The following VPS50 variants were observed in gnomAD, a reference collection of about 807,000 sequenced individuals.
VPS50 encodes VPS50 subunit of EARP/GARPII complex, also known as syndetin.
In VPS50, 70 loss-of-function variants were observed where a neutral mutation model predicts 139.7. The ratio of observed to expected loss-of-function variants is 0.50; its 90% CI spans 0.41 to 0.61. VPS50 has a LOEUF of 0.61. VPS50 is among the 20% of genes least tolerant of loss of function. The probability of loss-of-function intolerance (pLI) is 0.00; values close to 1 mark genes in which losing one functional copy is unlikely to be tolerated. For missense variants in VPS50, 921 were observed against 1,133.7 expected, an observed-to-expected ratio of 0.81 and a Z score of 2.69; for synonymous variants, 365 against 376.7, an observed-to-expected ratio of 0.97 and a Z score of 0.36.
intron 21 of VPS50, among the ~76,000 whole-genome samples, chr7:93,325,947 G>GTA (rs1410684698): frequency 6.6e-6 from 1 of 151,280 alleles, no homozygotes; most frequent in Admixed American, 6.6e-5. Context: ...CCATTACTGG[G>GTA]TATATACCCA....
At chr7:93,252,152 A>G (rs1367225296) in intron 2 of VPS50, among the ~76,000 whole-genome samples, 2 of 152,168 alleles carry the variant, frequency 1.3e-5, no homozygotes, top group African/African-American at 4.8e-5. Flanking sequence ...AAATTTGTGA[A>G]CCTTTTCTGG....
chr7:93,276,742 G>A (rs2116896660), intron 12 of VPS50, among the ~76,000 whole-genome samples: 1 of 152,188 alleles, frequency 6.6e-6, no homozygotes, highest in South Asian at 2.1e-4. Context: ...AGGTCTTTAG[G>A]TAATATAACC....
chr7:93,259,639 T>C lies in VPS50; in HGVS notation c.659+7T>C, dbSNP rs1470183593. ...AACATTACAGTTGTATAAGGTAAGG[T>C]CATGTAAATGTTTTAAAGCAGATTC... On this transcript the variant is annotated splice_region_variant and intron_variant, in intron 9 of 27. Coordinates refer to ENST00000305866, the MANE Select transcript of VPS50 (RefSeq NM_017667.4). 2.7e-6 allele frequency: 4 copies of C among 1,501,312 alleles called. No homozygotes were observed. The Admixed American group carries it at 6.8e-5, about 25-fold the overall frequency. The allele number at this position is 1,501,312 out of a possible 1,614,324, so 93.0% of individuals were successfully genotyped here. A position where few individuals can be genotyped will look rare whatever the true frequency, so the allele number is the denominator to read the frequency against.
chr7:93,270,308 A>G (rs964201761), intron 9 of VPS50, among the ~76,000 whole-genome samples: 3 of 151,926 alleles, frequency 2.0e-5, no homozygotes, highest in African/African-American at 7.2e-5. Context: ...CATCCCAGTC[A>G]TTCTTCTAAG....
chr7:93,314,331 T>C (rs1797358649), intron 20 of VPS50, among the ~76,000 whole-genome samples: 1 of 152,190 alleles, frequency 6.6e-6, no homozygotes, highest in Non-Finnish European at 1.5e-5. Flanking sequence ...TAGCAGAGCG[T>C]AAACAAAAGA....
chr7:93,285,826 G>T (rs192209351), intron 12 of VPS50, among the ~76,000 whole-genome samples: 136 of 152,314 alleles, frequency 8.9e-4, no homozygotes, highest in Middle Eastern at 3.4e-3. Context: ...GCGTTGGAAT[G>T]TGAAGCATAG....
At chr7:93,241,967 AT>A (rs1476553421) in intron 2 of VPS50, among the ~76,000 whole-genome samples, 3 of 152,072 alleles carry the variant, frequency 2.0e-5, no homozygotes, top group African/African-American at 7.2e-5. Context: ...GATTAAAAGC[AT>A]TTTAACAAAA....
rs10266225 is a variant in VPS50, at chr7:93,342,462, A to T, written c.2207+887A>T. ...ACAAAGCAGCCTGGAAGCTCGAACT[A>T]GGTGGAGCCCACCACAGCCCAAGGA... is the stretch of plus-strand genomic sequence containing the variant. On this transcript the variant is annotated intron_variant, in intron 23 of 27. Coordinates refer to ENST00000305866, the MANE Select transcript of VPS50 (RefSeq NM_017667.4). Among the ~76,000 whole-genome samples the T allele has an allele frequency of 7.9e-3, 1,192 of 151,832 alleles. 15 individuals carry two copies. Among genetic ancestry groups the T allele is most frequent in the African/African-American group, 0.025 (1,046 of 41,396 alleles).
At chr7:93,328,479 C>T (rs1275344508) in intron 21 of VPS50, among the ~76,000 whole-genome samples, 3 of 152,128 alleles carry the variant, frequency 2.0e-5, no homozygotes, top group South Asian at 2.1e-4. Context: ...CCGGGTATGA[C>T]AGACTAAACC....
At chr7:93,283,480 C>T (rs1048095266) in intron 12 of VPS50, among the ~76,000 whole-genome samples, 4 of 152,154 alleles carry the variant, frequency 2.6e-5, no homozygotes, top group African/African-American at 9.7e-5. Flanking sequence ...AGGTGATCCA[C>T]CTGCCTTGGC....
chr7:93,353,982 G>A (rs1336781132), intron 26 of VPS50, among the ~76,000 whole-genome samples: 1 of 152,066 alleles, frequency 6.6e-6, no homozygotes, highest in Non-Finnish European at 1.5e-5. Flanking sequence ...AGATGAGTGA[G>A]GAATGCAGAA....
At chr7:93,320,789 T>TA (rs1370982330) in intron 20 of VPS50, 1 of 152,524 alleles carries the variant, frequency 6.6e-6, no homozygotes, top group Non-Finnish European at 1.5e-5. Context: ...TGCAGACTGT[T>TA]ACAGTTTGTC....
chr7:93,280,299 G>C (rs1796285225), intron 12 of VPS50, among the ~76,000 whole-genome samples: 1 of 151,826 alleles, frequency 6.6e-6, no homozygotes, highest in Admixed American at 6.6e-5. Context: ...GAATGTATTG[G>C]TTTACTGCTT....
intron 2 of VPS50, among the ~76,000 whole-genome samples, chr7:93,252,285 G>A (rs1442428132): frequency 6.6e-6 from 1 of 152,096 alleles, no homozygotes; most frequent in Non-Finnish European, 1.5e-5. Flanking sequence ...TATCTGTGGT[G>A]AGACAGATTT....
intron 23 of VPS50, among the ~76,000 whole-genome samples, chr7:93,348,033 A>G (rs1403421072): frequency 6.6e-6 from 1 of 152,174 alleles, no homozygotes; most frequent in Non-Finnish European, 1.5e-5. Context: ...ATAAATCCCT[A>G]AAGTTAGTAA....
chr7:93,308,633 TG>T (rs1265358586), intron 18 of VPS50, among the ~76,000 whole-genome samples, 190 bp from the exon 19 acceptor site: 4 of 151,950 alleles, frequency 2.6e-5, no homozygotes, highest in African/African-American at 4.8e-5. Context: ...ATTTTTCTTT[TG>T]TGCTGATTGA....
intron 20 of VPS50, among the ~76,000 whole-genome samples, chr7:93,321,544 T>C (rs1211191601): frequency 6.6e-6 from 1 of 152,218 alleles, no homozygotes; most frequent in Non-Finnish European, 1.5e-5. Context: ...TAATTCCTTG[T>C]TCCTTAATAC....
intron 20 of VPS50, among the ~76,000 whole-genome samples, chr7:93,314,001 C>T (rs546519599): frequency 3.0e-4 from 45 of 152,210 alleles, no homozygotes; most frequent in Middle Eastern, 3.4e-3. Context: ...TTTCTCTCTC[C>T]CTGGGATGTT....
intron 1 of VPS50, among the ~76,000 whole-genome samples, chr7:93,237,298 A>C (rs1430734491): frequency 6.6e-6 from 1 of 152,160 alleles, no homozygotes; most frequent in Non-Finnish European, 1.5e-5. Flanking sequence ...CATAGAATAT[A>C]ATGCACAGAA....
Sources: allele counts gnomAD v4.1 joint callset (sites outside exome capture counted in the v4.1 genomes callset), GRCh38; gene constraint gnomAD v4.1.1; transcripts MANE v1.5; gene names NCBI Gene and HGNC (gene_info 2026-07-23, HGNC 2026-07-21).